The following MRPS5 variants were observed in gnomAD, a reference collection of about 807,000 sequenced individuals.
MRPS5 encodes mitochondrial ribosomal protein S5.
In MRPS5, 27 loss-of-function variants were observed where a neutral mutation model predicts 51.9. The ratio of observed to expected loss-of-function variants is 0.52; its 90% confidence interval spans 0.38 to 0.72. MRPS5 has a LOEUF of 0.72. Ranked by LOEUF, MRPS5 falls within the 30% of genes least tolerant of loss-of-function variation. The pLI, the probability that MRPS5 is intolerant of heterozygous loss-of-function variation, is 0.00. For synonymous variants in MRPS5, 196 were observed against 193.2 expected (o/e 1.01, Z -0.12); for missense variants, 570 against 545.7 (o/e 1.04, Z -0.44).
At chr2:95,096,038 C>G in intron 10 of MRPS5, among the ~76,000 whole-genome samples, 1 of 152,176 alleles carries the variant, frequency 6.6e-6, no homozygotes, top group Non-Finnish European at 1.5e-5. Flanking sequence ...AAACTACCAT[C>G]AGAGAATACT....
At chr2:95,105,049 A>T (rs965106834) in intron 6 of MRPS5, among the ~76,000 whole-genome samples, 1 of 152,222 alleles carries the variant, frequency 6.6e-6, no homozygotes, top group Non-Finnish European at 1.5e-5. Context: ...GAAAGAAAAA[A>T]GTTGCTGATC....
intron 11 of MRPS5, 34 bp downstream of exon 11, chr2:95,090,352 A>G: frequency 6.2e-7 from 1 of 1,610,236 alleles, no homozygotes; most frequent in Non-Finnish European, 8.5e-7. Context: ...AATACAAACT[A>G]GAACCTCTGT....
At position 95,109,981 on chromosome 2, in the gene MRPS5, C is replaced by G; in HGVS notation, c.338G>C (p.Gly113Ala). 1 of 1,614,114 alleles carries G rather than the reference C, an allele frequency of 6.2e-7. No homozygotes were observed. The highest frequency in any genetic ancestry group is 8.5e-7 in the Non-Finnish European group (1 of 1,179,978). ...LAETGAGAKK[G>A]RGKRTKKKKR... ...CTTCTTTTTAGTTCTTTTGCCTCTT[C>G]CTTTTTTTGCTCCAGCACCAGTCTC... is the stretch of plus-strand genomic sequence containing the variant. The change falls in exon 4 of 12, where the codon GGA becomes GCA. Residue 113 changes from glycine (G) to alanine (A), a missense_variant. Physicochemically the swap from Gly to Ala is moderately conservative, Grantham distance 60 (BLOSUM62 0). Transcript: ENST00000272418.
chr2:95,112,036 C>T (rs1676134910), intron 3 of MRPS5, among the ~76,000 whole-genome samples: 2 of 152,212 alleles, frequency 1.3e-5, no homozygotes, highest in Admixed American at 6.5e-5. Context: ...TTAATATATA[C>T]ACCTATTAAC....
Position 95,110,007 on chromosome 2 carries a change from T to C in MRPS5, c.312A>G (p.Ala104=), listed in dbSNP as rs1558684738. The change falls in exon 4 of 12, where the codon GCA becomes GCG. Residue 104 remains alanine, a synonymous_variant. Transcript: ENST00000272418. ...TADELWKGAL[A]ETGAGAKKGR... is the part of the protein sequence containing the mutation. ...CTTTTTTTGCTCCAGCACCAGTCTCTGCTAAAGCGCCTTTCCACAGCTCAT... is the reference window on the plus strand; with the variant it reads ...CTTTTTTTGCTCCAGCACCAGTCTCCGCTAAAGCGCCTTTCCACAGCTCAT... 1.9e-6 allele frequency: 3 copies of C among 1,614,084 alleles called. No individual in the cohort carries two copies. Among genetic ancestry groups the C allele is most frequent in the Non-Finnish European group, 1.7e-6 (2 of 1,179,996 alleles).
intron 3 of MRPS5, among the ~76,000 whole-genome samples, chr2:95,111,495 G>T (rs556011154): frequency 1.3e-5 from 2 of 152,172 alleles, no homozygotes; most frequent in South Asian, 4.1e-4. Context: ...AATGTAAAAA[G>T]ACTGAATTAA....
chr2:95,102,944 C>A (rs1196450741), intron 7 of MRPS5, among the ~76,000 whole-genome samples: 1 of 152,156 alleles, frequency 6.6e-6, no homozygotes, highest in African/African-American at 2.4e-5. Context: ...CTATAAGATA[C>A]AAGGGACCTC....
In MRPS5 at chr2:95,121,726, G is replaced by A; in HGVS notation, c.58+8C>T. The A allele has an allele frequency of 6.5e-7, 1 of 1,539,694 alleles. No individual in the cohort carries two copies. Among genetic ancestry groups the A allele is most frequent in the Non-Finnish European group, 8.7e-7 (1 of 1,150,876 alleles). ...CAGAGCCCCTGCTCCCGGCGTCCCA[G>A]CTCTCACCTGCCGTCCCGCTACACA... On this transcript the variant is annotated splice_region_variant and intron_variant, in intron 1 of 11. Transcript: ENST00000272418.
chr2:95,110,191 G>T, intron 3 of MRPS5, 150 bp from the exon 4 acceptor site: 1 of 902,574 alleles, frequency 1.1e-6, no homozygotes. Context: ...ATCATCCTTT[G>T]CACACATCAG....
intron 1 of MRPS5, among the ~76,000 whole-genome samples, chr2:95,119,369 G>A (rs1238465802): frequency 1.3e-5 from 2 of 152,192 alleles, no homozygotes; most frequent in Non-Finnish European, 1.5e-5. Flanking sequence ...CAGCACTTTG[G>A]GAGACTAAGG....
chr2:95,105,961 C>T (rs1026598464), intron 6 of MRPS5, among the ~76,000 whole-genome samples: 4 of 152,276 alleles, frequency 2.6e-5, no homozygotes, highest in Admixed American at 2.6e-4. Flanking sequence ...CTGATACAGA[C>T]TTTAGTTTCA....
chr2:95,114,120 CAAAAA>C (rs1002543941), intron 3 of MRPS5, among the ~76,000 whole-genome samples: 1 of 43,022 alleles, frequency 2.3e-5, no homozygotes, highest in Non-Finnish European at 3.9e-5. Context: ...CTCCATCTCC[CAAAAA>C]AAAAAAAAAA....
At chr2:95,105,146 T>C (rs1573339325) in intron 6 of MRPS5, among the ~76,000 whole-genome samples, 1 of 152,308 alleles carries the variant, frequency 6.6e-6, no homozygotes, top group South Asian at 2.1e-4. Context: ...ACCTCAGAAA[T>C]TATGATATGC....
intron 10 of MRPS5, chr2:95,091,760 T>C (rs1675473759): frequency 2.0e-5 from 3 of 152,198 alleles, no homozygotes; most frequent in Non-Finnish European, 4.4e-5. Flanking sequence ...GCCTCCATAA[T>C]TATGCCAGAG....
At chr2:95,097,242 A>G (rs992135106) in intron 10 of MRPS5, among the ~76,000 whole-genome samples, 15 of 152,268 alleles carry the variant, frequency 9.9e-5, no homozygotes, top group Admixed American at 5.9e-4. Context: ...AAGAATCAGT[A>G]TCGTGAAAAT....
At position 95,087,350 on chromosome 2, in the gene MRPS5, A is replaced by G. The variant is rs765348527; in HGVS notation, c.*7T>C. 8.1e-6 allele frequency: 13 copies of G among 1,612,928 alleles called. No homozygotes were observed. Among genetic ancestry groups the G allele is most frequent in the South Asian group, 1.1e-5 (1 of 91,036 alleles). ...GCACAGGAACTGGCTGCACAAGGCC[A>G]GAGAGGTTACGTGGCGGCTCTCTTC... On this transcript the variant is annotated 3_prime_UTR_variant, in exon 12 of 12. Transcript: ENST00000272418.
rs534303990 is a variant in MRPS5, at chr2:95,109,976, C to A, written c.343G>T (p.Gly115Cys). ...CTTTTCTTCTTTTTAGTTCTTTTGC[C>A]TCTTCCTTTTTTTGCTCCAGCACCA... ...ETGAGAKKGR[G>C]KRTKKKKRKD... Residue 115 changes from glycine (G) to cysteine (C), a missense_variant, in exon 4 of 12, where the codon GGC becomes TGC. Physicochemically the swap from Gly to Cys is radical, Grantham distance 159 (BLOSUM62 -3). Transcript: ENST00000272418. 1 of 1,613,980 alleles carries A rather than the reference C, an allele frequency of 6.2e-7. No homozygotes were observed. Among genetic ancestry groups the A allele is most frequent in the Admixed American group, 1.7e-5 (1 of 60,008 alleles).
intron 3 of MRPS5, among the ~76,000 whole-genome samples, chr2:95,111,687 A>G (rs1676124513): frequency 1.3e-5 from 2 of 152,252 alleles, no homozygotes; most frequent in Admixed American, 1.3e-4. Context: ...ATGCAAAAAT[A>G]ATCATAATCC....
rs1212851050 is a variant in MRPS5 at position 95,085,857 on chromosome 2, G to GA, written c.*1499dup. On this transcript the variant is annotated 3_prime_UTR_variant, in exon 12 of 12. Transcript: ENST00000272418. ...ACTAGGACATTGTAAACTTGAATGA[G>GA]AAAAAACCTCAAGGGATGTCAACAC... Among the ~76,000 whole-genome samples the GA allele has an allele frequency of 1.3e-5, 2 of 150,788 alleles. No homozygotes were observed. Among genetic ancestry groups the GA allele is most frequent in the Admixed American group, 6.6e-5 (1 of 15,162 alleles).
Sources: allele counts gnomAD v4.1 joint callset (sites outside exome capture counted in the v4.1 genomes callset), GRCh38; gene constraint gnomAD v4.1.1; transcripts MANE v1.5; gene names NCBI Gene and HGNC (gene_info 2026-07-23, HGNC 2026-07-21).